WWOX: variants seen among roughly 807,000 people sequenced by gnomAD.
WWOX encodes the protein WW domain containing oxidoreductase.
A neutral mutation model predicts 46.2 loss-of-function variants in WWOX; 69 were observed. That is an observed-to-expected ratio of 1.49 (90% CI 1.23 to 1.82). WWOX has a LOEUF of 1.82. WWOX is among the 40% of genes most tolerant of loss of function. The probability of loss-of-function intolerance (pLI) is 0.00; values close to 1 mark genes in which losing one functional copy is unlikely to be tolerated. For missense variants in WWOX, 919 were observed against 542.6 expected (o/e 1.69, Z -6.89); for synonymous variants, 359 against 202.6 (o/e 1.77, Z -6.56).
chr16:79,147,852 A>G (rs2050208666), intron 8 of WWOX, among the ~76,000 whole-genome samples: 2 of 151,904 alleles, frequency 1.3e-5, no homozygotes, highest in African/African-American at 2.4e-5. Context: ...ACATATTTTC[A>G]TTTGTTTGTC....
At chr16:78,556,593 C>T (rs748192811) in intron 8 of WWOX, among the ~76,000 whole-genome samples, 12 of 152,100 alleles carry the variant, frequency 7.9e-5, no homozygotes, top group Non-Finnish European at 1.3e-4. Flanking sequence ...GGTGAGTTGC[C>T]GTGCCCACCA....
chr16:78,265,001 CTT>C (rs35911801), intron 5 of WWOX: 5,102 of 69,252 alleles, frequency 0.074, 195 homozygotes, highest in East Asian at 0.22. Flanking sequence ...TTCTTTCTTT[CTT>C]TTTTTTTTTT....
rs559791777 is a variant in WWOX at position 78,119,435 on chromosome 16, GTT to G, written c.409+4282_409+4283del. On this transcript the variant is annotated intron_variant, in intron 4 of 8. Coordinates refer to ENST00000566780, the MANE Select transcript of WWOX (RefSeq NM_016373.4). Reference sequence around the variant, plus strand: ...CCCCCTGCTACCTGCAGGCTGACATGTTGCTCATCAAAGGCAGGATCCTTCTA... The same window carrying G: ...CCCCCTGCTACCTGCAGGCTGACATGGCTCATCAAAGGCAGGATCCTTCTA... 1.5e-3 allele frequency among the ~76,000 whole-genome samples: 225 copies of G among 152,270 alleles called. 1 individual carries two copies. Among genetic ancestry groups the G allele is most frequent in the African/African-American group, 5.3e-3 (220 of 41,560 alleles).
At chr16:78,104,488 A>G (rs1390341962) in intron 1 of WWOX, among the ~76,000 whole-genome samples, 2 of 152,190 alleles carry the variant, frequency 1.3e-5, no homozygotes, top group African/African-American at 4.8e-5. Flanking sequence ...TGGGCCACAG[A>G]ATGAGACCTT....
chr16:78,958,212 G>C (rs986474959), intron 8 of WWOX, among the ~76,000 whole-genome samples: 1 of 152,242 alleles, frequency 6.6e-6, no homozygotes, highest in Non-Finnish European at 1.5e-5. Flanking sequence ...TAAACACTCA[G>C]CTCCAGCTAC....
intron 8 of WWOX, among the ~76,000 whole-genome samples, chr16:78,871,759 C>T (rs550819600): frequency 6.6e-6 from 1 of 152,158 alleles, no homozygotes; most frequent in African/African-American, 2.4e-5. Flanking sequence ...ACCACCATAC[C>T]CACCTAATTT....
At chr16:78,680,678 C>T (rs1045814070) in intron 8 of WWOX, among the ~76,000 whole-genome samples, 5 of 152,210 alleles carry the variant, frequency 3.3e-5, no homozygotes, top group African/African-American at 4.8e-5. Context: ...GCTAAACATC[C>T]GGACACATCT....
intron 6 of WWOX, among the ~76,000 whole-genome samples, chr16:78,400,904 G>A (rs2082397130): frequency 6.6e-6 from 1 of 152,172 alleles, no homozygotes; most frequent in Non-Finnish European, 1.5e-5. Context: ...GCTCACTATG[G>A]CCTCAGCCAC....
chr16:78,133,937 A>G (rs1015768677), intron 4 of WWOX, among the ~76,000 whole-genome samples: 1 of 152,244 alleles, frequency 6.6e-6, no homozygotes, highest in African/African-American at 2.4e-5. Flanking sequence ...AATGGACTGT[A>G]GATGCCTTCC....
intron 8 of WWOX, among the ~76,000 whole-genome samples, chr16:79,160,153 C>A (rs191908483): frequency 1.3e-5 from 2 of 152,166 alleles, no homozygotes; most frequent in Non-Finnish European, 2.9e-5. Context: ...CACGTGAGGC[C>A]GAGAACATCC....
At chr16:78,394,029 C>T (rs963009219) in intron 6 of WWOX, among the ~76,000 whole-genome samples, 1 of 152,228 alleles carries the variant, frequency 6.6e-6, no homozygotes, top group East Asian at 1.9e-4. Context: ...TTTGCTGTCT[C>T]AAATCCATCT....
intron 5 of WWOX, among the ~76,000 whole-genome samples, chr16:78,211,766 T>G (rs2036567760): frequency 6.6e-6 from 1 of 152,034 alleles, no homozygotes; most frequent in Non-Finnish European, 1.5e-5. Context: ...ACAGCTAGGA[T>G]TGGAGAAGAT....
At chr16:78,157,691 T>C (rs1380166532) in intron 4 of WWOX, among the ~76,000 whole-genome samples, 2 of 152,234 alleles carry the variant, frequency 1.3e-5, no homozygotes, top group Non-Finnish European at 2.9e-5. Context: ...TGAGGTTAAA[T>C]TGTGCTCCAG....
At chr16:78,294,530 C>A (rs1440922286) in intron 5 of WWOX, among the ~76,000 whole-genome samples, 1 of 152,092 alleles carries the variant, frequency 6.6e-6, no homozygotes. Flanking sequence ...TATTTATACT[C>A]CTTGATGCAG....
At position 78,441,687 on chromosome 16, in the gene WWOX, A is replaced by G. The variant is rs545299257; in HGVS notation, c.1056+8935A>G. ...CTTGGGCAAGGTTCAAAACCTGATT[A>G]AGATTCATGCATAAAACTGAGATGT... On this transcript the variant is annotated intron_variant, in intron 8 of 8. Transcript: ENST00000566780. Among the ~76,000 whole-genome samples, 4 of 152,270 alleles carry G rather than the reference A, an allele frequency of 2.6e-5. No homozygotes were observed. In the South Asian group the frequency reaches 8.3e-4, roughly 32 times the overall value.
chr16:78,387,097 C>G, intron 6 of WWOX, 149 bp downstream of exon 6: 3 of 772,536 alleles, frequency 3.9e-6, no homozygotes, highest in Non-Finnish European at 6.7e-6. Context: ...TTAAGGTGAA[C>G]CGTATTTTCT....
chr16:78,828,834 G>T (rs565166244), intron 8 of WWOX, among the ~76,000 whole-genome samples: 1 of 152,092 alleles, frequency 6.6e-6, no homozygotes, highest in African/African-American at 2.4e-5. Context: ...GAGACTCTCA[G>T]GCCACTGTCT....
intron 8 of WWOX, among the ~76,000 whole-genome samples, chr16:78,436,107 G>A (rs76987355): frequency 0.025 from 3,759 of 152,262 alleles, 162 homozygotes; most frequent in African/African-American, 0.086. Flanking sequence ...AGTGCCTTTC[G>A]CATGGGAGGT....
intron 5 of WWOX, among the ~76,000 whole-genome samples, chr16:78,353,178 C>G (rs1020025315): frequency 2.6e-5 from 4 of 152,170 alleles, no homozygotes; most frequent in Admixed American, 2.6e-4. Flanking sequence ...ATCATAACAC[C>G]TATCTTAGCA....
Sources: allele counts gnomAD v4.1 joint callset (sites outside exome capture counted in the v4.1 genomes callset), GRCh38; gene constraint gnomAD v4.1.1; transcripts MANE v1.5; gene names NCBI Gene and HGNC (gene_info 2026-07-23, HGNC 2026-07-21).